SNTG1: variants seen among roughly 807,000 people sequenced by gnomAD.
SNTG1 encodes gamma-1-syntrophin.
In SNTG1, 39 loss-of-function variants were observed where a neutral mutation model predicts 74.7. That is an observed-to-expected ratio of 0.52 (90% CI 0.40 to 0.68). SNTG1 has a LOEUF of 0.68. SNTG1 is among the 30% of genes least tolerant of loss of function. The probability of loss-of-function intolerance (pLI) is 0.00; values close to 1 mark genes in which losing one functional copy is unlikely to be tolerated. For missense variants in SNTG1, 685 were observed against 609.5 expected (o/e 1.12, Z -1.30); for synonymous variants, 254 against 217.1 (o/e 1.17, Z -1.49).
chr8:50,050,592 A>G, intron 1 of SNTG1, among the ~76,000 whole-genome samples: 1 of 152,078 alleles, frequency 6.6e-6, no homozygotes. Flanking sequence ...TGCTTAATTG[A>G]TAAATACAAC....
At chr8:50,628,644 A>G (rs1238113818) in intron 13 of SNTG1, among the ~76,000 whole-genome samples, 1 of 152,114 alleles carries the variant, frequency 6.6e-6, no homozygotes, top group Non-Finnish European at 1.5e-5. Flanking sequence ...GTGAATTTAT[A>G]AACTTTTGTT....
At chr8:50,448,181 A>G (rs1421578381) in intron 5 of SNTG1, among the ~76,000 whole-genome samples, 1 of 152,228 alleles carries the variant, frequency 6.6e-6, no homozygotes, top group African/African-American at 2.4e-5. Flanking sequence ...CATGAATATT[A>G]GGTTGCTGTG....
rs530255867 is a variant in SNTG1 at position 49,968,617 on chromosome 8, T to A, written c.-103+56386T>A. On this transcript the variant is annotated intron_variant, in intron 1 of 18. Transcript: ENST00000642720. ...ATCTCCTTATTCAGAGGAAATAATATCAATTTGGGAGGATCAGATGTAGCT... is the reference window on the plus strand; with the variant it reads ...ATCTCCTTATTCAGAGGAAATAATAACAATTTGGGAGGATCAGATGTAGCT... Among the ~76,000 whole-genome samples, 8 of 152,208 alleles carry A rather than the reference T, an allele frequency of 5.3e-5. No individual in the cohort carries two copies. The East Asian group carries it at 1.5e-3, about 29-fold the overall frequency.
chr8:50,421,344 G>A (rs1229042753), intron 4 of SNTG1, among the ~76,000 whole-genome samples: 1 of 152,132 alleles, frequency 6.6e-6, no homozygotes, highest in East Asian at 1.9e-4. Context: ...CTAAACAAGA[G>A]GCAAATTATT....
intron 2 of SNTG1, among the ~76,000 whole-genome samples, chr8:50,318,980 T>C (rs1032574145): frequency 1.3e-5 from 2 of 151,872 alleles, no homozygotes; most frequent in Admixed American, 6.6e-5. Flanking sequence ...TATATATATA[T>C]GTATGTATAT....
chr8:50,784,551 G>A (rs771547513), intron 18 of SNTG1, among the ~76,000 whole-genome samples: 14 of 152,028 alleles, frequency 9.2e-5, no homozygotes, highest in South Asian at 2.1e-4. Context: ...CAAATGAGGC[G>A]AAATCGAAGA....
chr8:50,565,779 A>G (rs1393931142), intron 12 of SNTG1, among the ~76,000 whole-genome samples: 1 of 152,142 alleles, frequency 6.6e-6, no homozygotes, highest in East Asian at 1.9e-4. Context: ...GATAATATGA[A>G]TAAGTGCTAT....
At chr8:50,182,120 G>A (rs932796632) in intron 2 of SNTG1, among the ~76,000 whole-genome samples, 2 of 152,126 alleles carry the variant, frequency 1.3e-5, no homozygotes, top group African/African-American at 4.8e-5. Context: ...AGATCAATAC[G>A]AAGATCTATT....
chr8:50,062,300 G>A (rs971579417), intron 1 of SNTG1, among the ~76,000 whole-genome samples: 3 of 152,072 alleles, frequency 2.0e-5, no homozygotes, highest in South Asian at 2.1e-4. Flanking sequence ...GCCTGCCTCG[G>A]CCTCCCAAAG....
chr8:50,655,082 T>G (rs2095171851), intron 13 of SNTG1, among the ~76,000 whole-genome samples: 1 of 152,172 alleles, frequency 6.6e-6, no homozygotes, highest in Non-Finnish European at 1.5e-5. Context: ...TCCTATAAAT[T>G]TTTCCTGGTT....
chr8:50,241,811 T>C (rs891957513), intron 2 of SNTG1, among the ~76,000 whole-genome samples: 4 of 152,130 alleles, frequency 2.6e-5, no homozygotes, highest in African/African-American at 9.7e-5. Context: ...CAGTAATTCC[T>C]CTTCTCAGCT....
intron 18 of SNTG1, among the ~76,000 whole-genome samples, chr8:50,768,461 A>G (rs1331300658): frequency 6.6e-6 from 1 of 152,052 alleles, no homozygotes; most frequent in Non-Finnish European, 1.5e-5. Context: ...GGATTTCAGA[A>G]GAAGATGGCT....
chr8:50,732,786 T>A (rs562025442), intron 17 of SNTG1, among the ~76,000 whole-genome samples: 1 of 152,120 alleles, frequency 6.6e-6, no homozygotes, highest in Non-Finnish European at 1.5e-5. Flanking sequence ...ACTAATATAA[T>A]GATGAAAAAA....
chr8:50,626,546 C>T (rs1208977925), intron 13 of SNTG1, among the ~76,000 whole-genome samples: 1 of 152,210 alleles, frequency 6.6e-6, no homozygotes, highest in Admixed American at 6.5e-5. Context: ...AGCATTATTT[C>T]TGTAGATTAT....
chr8:49,948,771 C>T (rs1260763344), intron 1 of SNTG1, among the ~76,000 whole-genome samples: 1 of 152,136 alleles, frequency 6.6e-6, no homozygotes, highest in Non-Finnish European at 1.5e-5. Flanking sequence ...GATGCAGTGT[C>T]TCTGCTCCTC....
At chr8:50,466,797 A>C (rs1310575027) in intron 8 of SNTG1, among the ~76,000 whole-genome samples, 1 of 152,056 alleles carries the variant, frequency 6.6e-6, no homozygotes, top group Non-Finnish European at 1.5e-5. Flanking sequence ...TATTGTAAAC[A>C]GTATTGTTTT....
chr8:50,750,686 C>T (rs1298413498), intron 17 of SNTG1, among the ~76,000 whole-genome samples: 1 of 151,870 alleles, frequency 6.6e-6, no homozygotes, highest in African/African-American at 2.4e-5. Flanking sequence ...CTTGAATGAC[C>T]CCTGGCATTT....
chr8:50,473,561 T>C (rs1446628490), intron 8 of SNTG1, among the ~76,000 whole-genome samples: 1 of 152,184 alleles, frequency 6.6e-6, no homozygotes, highest in Non-Finnish European at 1.5e-5. Flanking sequence ...GAGTGTCTCC[T>C]CTGGGTTTAT....
At chr8:50,603,431 G>T (rs561406362) in intron 13 of SNTG1, among the ~76,000 whole-genome samples, 2 of 152,038 alleles carry the variant, frequency 1.3e-5, no homozygotes, top group East Asian at 1.9e-4. Flanking sequence ...GTCTTAAATC[G>T]CTTTGAGTTT....
Sources: allele counts gnomAD v4.1 joint callset (sites outside exome capture counted in the v4.1 genomes callset), GRCh38; gene constraint gnomAD v4.1.1; transcripts MANE v1.5; gene names NCBI Gene and HGNC (gene_info 2026-07-23, HGNC 2026-07-21).